The following NEURL1B variants were observed in gnomAD, a reference collection of about 807,000 sequenced individuals.
NEURL1B encodes the protein E3 ubiquitin-protein ligase NEURL1B.
NEURL1B carries 13 observed loss-of-function variants against 37.4 expected under a neutral mutation model. The ratio of observed to expected loss-of-function variants is 0.35; its 90% CI spans 0.23 to 0.55. The LOEUF is 0.55. NEURL1B is among the 20% of genes least tolerant of loss of function. The pLI, the probability that NEURL1B is intolerant of heterozygous loss-of-function variation, is 0.89. For synonymous variants in NEURL1B, 432 were observed against 426.6 expected, an observed-to-expected ratio of 1.01 and a Z score of -0.16; for missense variants, 790 against 879.2, an observed-to-expected ratio of 0.90 and a Z score of 1.28.
intron 1 of NEURL1B, among the ~76,000 whole-genome samples, chr5:172,652,906 G>C (rs1162494528): frequency 1.3e-5 from 2 of 152,196 alleles, no homozygotes; most frequent in Non-Finnish European, 2.9e-5. Flanking sequence ...TTTCCCCTGG[G>C]ACTATGGCCC....
chr5:172,666,047 G>A (rs1294099386), intron 1 of NEURL1B, among the ~76,000 whole-genome samples: 1 of 152,138 alleles, frequency 6.6e-6, no homozygotes, highest in Non-Finnish European at 1.5e-5. Context: ...TCTGCCCAGG[G>A]GTGAAGGAGG....
Position 172,683,617 on chromosome 5 carries a change from T to G in NEURL1B, c.776T>G (p.Ile259Ser). 8.0e-7 allele frequency: 1 copy of G among 1,251,546 alleles called. No individual in the cohort carries two copies. The highest frequency in any genetic ancestry group is 1.0e-6 in the Non-Finnish European group (1 of 996,574). The allele number at this position is 1,251,546 out of a possible 1,614,324, so 77.5% of individuals were successfully genotyped here. ...PPPADAAAAAIPCGPRERPRP... is the reference protein window; with the variant it reads ...PPPADAAAAASPCGPRERPRP... ...CCAGCCGACGCCGCGGCCGCCGCCA[T>G]TCCGTGCGGGCCCCGTGAGCGCCCG... Residue 259 changes from isoleucine (I) to serine (S), a missense_variant, in exon 3 of 5, where the codon ATT becomes AGT. By Grantham distance (142) the Ile-to-Ser change is moderately radical. This residue lies in a region of NEURL1B where 460 missense variants were observed against 407.4 expected (regional missense o/e 1.13). Coordinates refer to ENST00000369800, the MANE Select transcript of NEURL1B (RefSeq NM_001142651.3). This position sits in a 1 kb window ranked among gnomAD's most constrained non-coding sequence, Gnocchi z 5.6.
In NEURL1B at chr5:172,686,375, G is replaced by C. The variant is rs886659819; in HGVS notation, c.1423+79G>C. The C allele has an allele frequency of 2.1e-6, 3 of 1,451,308 alleles. No individual in the cohort carries two copies. The highest frequency in any genetic ancestry group is 2.8e-5 in the African/African-American group (2 of 71,266). The allele number at this position is 1,451,308 out of a possible 1,614,324, so 89.9% of individuals were successfully genotyped here. A position where few individuals can be genotyped will look rare whatever the true frequency, so the allele number is the denominator to read the frequency against. On this transcript the variant is annotated intron_variant, in intron 4 of 4. Transcript: ENST00000369800. The surrounding 1 kb of genome is among the most constrained non-coding windows in gnomAD (Gnocchi z 7.9). ...TCCGGCTGTGCCAGTGGCCTTCCAG[G>C]GACTGAGCAGGGTGGCCGCCTTTCC...
At chr5:172,672,330 A>G (rs1205154537) in intron 2 of NEURL1B, among the ~76,000 whole-genome samples, 1 of 151,956 alleles carries the variant, frequency 6.6e-6, no homozygotes, top group Non-Finnish European at 1.5e-5. Context: ...TAGATTTCCC[A>G]TCATCTTTTT....
At position 172,650,950 on chromosome 5, in the gene NEURL1B, A is replaced by G. The variant is rs545350943; in HGVS notation, c.31+9513A>G. ...AGTTAGGGTGGAGCAGGTGATCAGAATGATGGAGCAGATAATCTGAATGAG... is the reference window on the plus strand; with the variant it reads ...AGTTAGGGTGGAGCAGGTGATCAGAGTGATGGAGCAGATAATCTGAATGAG... On this transcript the variant is annotated intron_variant, in intron 1 of 4. Coordinates refer to ENST00000369800, the MANE Select transcript of NEURL1B (RefSeq NM_001142651.3). 9.8e-5 allele frequency among the ~76,000 whole-genome samples: 15 copies of G among 152,314 alleles called. No homozygotes were observed. In the South Asian group the frequency reaches 3.1e-3, roughly 32 times the overall value.
chr5:172,680,988 G>C (rs976189314), intron 2 of NEURL1B, among the ~76,000 whole-genome samples: 2 of 152,216 alleles, frequency 1.3e-5, no homozygotes, highest in African/African-American at 2.4e-5. Context: ...CAGGAAGCAC[G>C]GCTGGGGAAG....
Position 172,657,019 on chromosome 5 carries a change from T to C in NEURL1B, c.32-12766T>C, listed in dbSNP as rs1757793251. 6.6e-6 allele frequency among the ~76,000 whole-genome samples: 1 copy of C among 152,198 alleles called. No individual in the cohort carries two copies. Among genetic ancestry groups the C allele is most frequent in the South Asian group, 2.1e-4 (1 of 4,822 alleles). The stretch of plus-strand genomic sequence containing the variant: ...AATTGATCTGTGCAGTAGGACCAAA[T>C]AGTCCTGCTATAGACTATTTGAGTC... On this transcript the variant is annotated intron_variant, in intron 1 of 4. Transcript: ENST00000369800. This position sits in a 1 kb window ranked among gnomAD's most constrained non-coding sequence, Gnocchi z 4.0.
intron 3 of NEURL1B, among the ~76,000 whole-genome samples, chr5:172,684,960 A>G (rs568524124): frequency 3.3e-5 from 5 of 152,340 alleles, no homozygotes; most frequent in African/African-American, 1.2e-4. Context: ...AACAGCTCAT[A>G]TGTTCCCTCA....
rs774467711 is a variant in NEURL1B at position 172,665,768 on chromosome 5, T to C, written c.32-4017T>C. Reference sequence around the variant, plus strand: ...TCCCTCTCCTCCCTCGAGACCTGGCTCAGTGGGCATCCCACTATTCCCAGC... The same window carrying C: ...TCCCTCTCCTCCCTCGAGACCTGGCCCAGTGGGCATCCCACTATTCCCAGC... On this transcript the variant is annotated intron_variant, in intron 1 of 4. Coordinates refer to ENST00000369800, the MANE Select transcript of NEURL1B (RefSeq NM_001142651.3). This position sits in a 1 kb window ranked among gnomAD's most constrained non-coding sequence, Gnocchi z 4.1. Among the ~76,000 whole-genome samples, 4 of 146,332 alleles carry C rather than the reference T, an allele frequency of 2.7e-5. No homozygotes were observed. The highest frequency in any genetic ancestry group is 4.5e-5 in the Non-Finnish European group (3 of 67,310).
At chr5:172,672,540 T>TCTC in intron 2 of NEURL1B, among the ~76,000 whole-genome samples, 1 of 136,290 alleles carries the variant, frequency 7.3e-6, no homozygotes, top group East Asian at 2.3e-4. Flanking sequence ...AGGTGAACTC[T>TCTC]CCCCCCCCCA....
At chr5:172,670,374 C>T (rs933102327) in intron 2 of NEURL1B, 44 bp downstream of exon 2, 22 of 1,319,666 alleles carry the variant, frequency 1.7e-5, no homozygotes, top group Non-Finnish European at 1.9e-5. Flanking sequence ...GGCAGCGGTG[C>T]CTTTGCGCGT....
chr5:172,667,456 A>G lies in NEURL1B; in HGVS notation c.32-2329A>G, dbSNP rs906402485. Among the ~76,000 whole-genome samples, 6 of 151,516 alleles carry G rather than the reference A, an allele frequency of 4.0e-5. No homozygotes were observed. In the South Asian group the frequency reaches 1.3e-3, roughly 32 times the overall value. Reference sequence around the variant, plus strand: ...GAAAGACTCCATTTCAAAAAAAAAAAGAAAAGATCCAAAAGGCCTTTTTCA... The same window carrying G: ...GAAAGACTCCATTTCAAAAAAAAAAGGAAAAGATCCAAAAGGCCTTTTTCA... On this transcript the variant is annotated intron_variant, in intron 1 of 4. Transcript: ENST00000369800.
intron 1 of NEURL1B, among the ~76,000 whole-genome samples, chr5:172,645,035 G>A (rs1028279613): frequency 7.2e-5 from 11 of 152,152 alleles, no homozygotes; most frequent in African/African-American, 2.4e-4. Context: ...ACGCTTGACC[G>A]AACCAACAGC....
Position 172,641,952 on chromosome 5 carries a change from C to G in NEURL1B, c.31+515C>G, listed in dbSNP as rs1437319201. 6.6e-6 allele frequency among the ~76,000 whole-genome samples: 1 copy of G among 152,312 alleles called. No homozygotes were observed. Among genetic ancestry groups the G allele is most frequent in the African/African-American group, 2.4e-5 (1 of 41,574 alleles). On this transcript the variant is annotated intron_variant, in intron 1 of 4. Coordinates refer to ENST00000369800, the MANE Select transcript of NEURL1B (RefSeq NM_001142651.3). This position sits in a 1 kb window ranked among gnomAD's most constrained non-coding sequence, Gnocchi z 6.4. ...CTTTGGCCACGTTCCCACGCGCACC[C>G]CGGTTGCGCCCCCCTCTGGTGTCCG...
At chr5:172,654,592 T>A (rs949134613) in intron 1 of NEURL1B, among the ~76,000 whole-genome samples, 6 of 111,856 alleles carry the variant, frequency 5.4e-5, no homozygotes, top group African/African-American at 1.0e-4. Flanking sequence ...TTTTTTTTTT[T>A]ACTTAGGATA....
At chr5:172,671,664 G>C (rs1758131768) in intron 2 of NEURL1B, among the ~76,000 whole-genome samples, 1 of 152,232 alleles carries the variant, frequency 6.6e-6, no homozygotes, top group African/African-American at 2.4e-5. Flanking sequence ...AGTATGCTAA[G>C]TAGTAGCCCA....
chr5:172,673,692 G>A (rs1009576256), intron 2 of NEURL1B, among the ~76,000 whole-genome samples: 2 of 151,952 alleles, frequency 1.3e-5, no homozygotes, highest in Non-Finnish European at 2.9e-5. Flanking sequence ...TCGACCTCCT[G>A]GGCCTAAGGA....
At position 172,670,089 on chromosome 5, in the gene NEURL1B, G is replaced by A. The variant is rs1277430274; in HGVS notation, c.336G>A (p.Gln112=). ...TAHDPSLMSA[Q]DIPKYACPDL... The stretch of plus-strand genomic sequence containing the variant: ...ACGATCCGTCGCTCATGAGCGCCCA[G>A]GACATCCCCAAGTACGCCTGCCCGG... The change falls in exon 2 of 5, where the codon CAG becomes CAA. Residue 112 remains glutamine (Q), a synonymous_variant. Transcript: ENST00000369800. 1.3e-6 allele frequency: 2 copies of A among 1,525,876 alleles called. No individual in the cohort carries two copies. The highest frequency in any genetic ancestry group is 1.8e-6 in the Non-Finnish European group (2 of 1,142,332). 94.5% of individuals were successfully genotyped at this position (1,525,876 alleles called of 1,614,324 possible).
At chr5:172,667,276 A>T (rs1028041363) in intron 1 of NEURL1B, among the ~76,000 whole-genome samples, 3 of 29,176 alleles carry the variant, frequency 1.0e-4, no homozygotes, top group African/African-American at 3.8e-4. Flanking sequence ...TGTCTCTACT[A>T]AAAAAAAAAA....
Sources: allele counts gnomAD v4.1 joint callset (sites outside exome capture counted in the v4.1 genomes callset), GRCh38; gene constraint gnomAD v4.1.1; regional missense constraint gnomAD v4.1.1; non-coding constraint Gnocchi (gnomAD v3.1); transcripts MANE v1.5; gene names NCBI Gene and HGNC (gene_info 2026-07-23, HGNC 2026-07-21).